The following SAMMSON variants were observed in gnomAD, a reference collection of about 807,000 sequenced individuals.
SAMMSON encodes survival associated mitochondrial melanoma specific oncogenic non-coding RNA, also known as long intergenic non-protein coding RNA 1212.
chr3:70,277,064 C>G (rs1490553645), intron 6 of SAMMSON, among the ~76,000 whole-genome samples: 1 of 151,868 alleles, frequency 6.6e-6, no homozygotes, highest in African/African-American at 2.4e-5. Flanking sequence ...TGAGTGAAAT[C>G]AGAATTATTG....
At chr3:70,194,582 G>A (rs1301847436) in intron 4 of SAMMSON, among the ~76,000 whole-genome samples, 1 of 152,190 alleles carries the variant, frequency 6.6e-6, no homozygotes, top group Non-Finnish European at 1.5e-5. Context: ...TTCTGAAAGT[G>A]AGGAACAAAG....
chr3:70,425,596 G>C (rs1333099350), intron 2 of SAMMSON, among the ~76,000 whole-genome samples: 1 of 150,880 alleles, frequency 6.6e-6, no homozygotes, highest in Non-Finnish European at 1.5e-5. Context: ...CTTTTTTTTA[G>C]TAGAGACGGG....
At chr3:69,999,593 T>C (rs941033407), upstream of SAMMSON, 2 of 152,208 alleles carry the variant, frequency 1.3e-5, no homozygotes, top group Non-Finnish European at 2.9e-5. Flanking sequence ...GGCGGGTCCC[T>C]GGCTCGGCTC....
intron 7 of SAMMSON, among the ~76,000 whole-genome samples, chr3:70,310,189 G>A (rs2106709190): frequency 6.6e-6 from 1 of 152,036 alleles, no homozygotes; most frequent in East Asian, 1.9e-4. Flanking sequence ...GAATTTTCAA[G>A]CTTTTAACAG....
At chr3:70,265,184 C>T (rs181615158) in intron 6 of SAMMSON, among the ~76,000 whole-genome samples, 165 of 152,232 alleles carry the variant, frequency 1.1e-3, no homozygotes, top group African/African-American at 3.9e-3. Flanking sequence ...CAAACCATAT[C>T]AGGGGGAGAA....
At chr3:70,204,648 A>G (rs1218162606) in intron 4 of SAMMSON, 2 of 146,176 alleles carry the variant, frequency 1.4e-5, no homozygotes, top group South Asian at 2.1e-4. Context: ...GTAGTCAGCT[A>G]TTTTCTTTCT....
intron 4 of SAMMSON, among the ~76,000 whole-genome samples, chr3:70,227,661 ACTT>A (rs1437165399): frequency 3.9e-5 from 6 of 152,214 alleles, no homozygotes; most frequent in African/African-American, 1.4e-4. Flanking sequence ...TAATAATACT[ACTT>A]AACAATTTCT....
chr3:70,193,180 C>A (rs886828836), intron 4 of SAMMSON, among the ~76,000 whole-genome samples: 7 of 152,222 alleles, frequency 4.6e-5, no homozygotes, highest in Middle Eastern at 3.4e-3. Context: ...ACAGCTCTGG[C>A]CCCCACCTGC....
chr3:70,254,561 C>T (rs1230842262), intron 6 of SAMMSON, among the ~76,000 whole-genome samples: 1 of 152,068 alleles, frequency 6.6e-6, no homozygotes, highest in East Asian at 1.9e-4. Flanking sequence ...AATCTATTTT[C>T]CCTAATGGTG....
chr3:70,017,162 C>A (rs369559042), intron 3 of SAMMSON, among the ~76,000 whole-genome samples: 2 of 152,048 alleles, frequency 1.3e-5, no homozygotes, highest in Admixed American at 6.6e-5. Context: ...CATTGAATCT[C>A]TAAATTACCT....
chr3:70,323,787 C>G (rs564447091), intron 7 of SAMMSON, among the ~76,000 whole-genome samples: 2 of 152,236 alleles, frequency 1.3e-5, no homozygotes, highest in East Asian at 3.9e-4. Context: ...CACAGTTCAT[C>G]TGCAACTGCC....
intron 4 of SAMMSON, among the ~76,000 whole-genome samples, chr3:70,083,173 A>G (rs1678612276): frequency 6.6e-6 from 1 of 152,184 alleles, no homozygotes; most frequent in African/African-American, 2.4e-5. Flanking sequence ...ACTTTTATTT[A>G]AGAGCTCAGT....
chr3:70,311,789 G>A (rs1702455771), intron 7 of SAMMSON: 3 of 390,068 alleles, frequency 7.7e-6, no homozygotes, highest in East Asian at 3.6e-5. Flanking sequence ...CTATTTGAAC[G>A]GTCAGGACAA....
At chr3:70,036,979 A>C (rs1464219719) in intron 3 of SAMMSON, among the ~76,000 whole-genome samples, 4 of 152,142 alleles carry the variant, frequency 2.6e-5, no homozygotes, top group Non-Finnish European at 5.9e-5. Context: ...TAAATAGCAT[A>C]GGATGATGAT....
chr3:70,029,562 T>C (rs191424885), intron 3 of SAMMSON, among the ~76,000 whole-genome samples: 12 of 152,216 alleles, frequency 7.9e-5, no homozygotes, highest in Admixed American at 6.5e-4. Flanking sequence ...GAGGCCAGCC[T>C]GGCCAACATG....
chr3:70,020,341 C>G (rs996917488), intron 3 of SAMMSON, among the ~76,000 whole-genome samples: 1 of 152,072 alleles, frequency 6.6e-6, no homozygotes, highest in African/African-American at 2.4e-5. Flanking sequence ...TCTTCAGGCA[C>G]CCTAGACGAA....
At chr3:70,034,173 A>C (rs1230936115) in intron 3 of SAMMSON, among the ~76,000 whole-genome samples, 1 of 152,196 alleles carries the variant, frequency 6.6e-6, no homozygotes, top group East Asian at 1.9e-4. Context: ...TTTGAGCATC[A>C]CATAAGACAT....
At chr3:70,302,446 C>A (rs1026533785) in intron 7 of SAMMSON, 8 of 152,028 alleles carry the variant, frequency 5.3e-5, no homozygotes, top group East Asian at 3.9e-4. Context: ...ACATAAGAGA[C>A]TTTTTTTTCC....
At chr3:70,083,841 A>T (rs991908275) in intron 4 of SAMMSON, among the ~76,000 whole-genome samples, 56 of 151,898 alleles carry the variant, frequency 3.7e-4, no homozygotes, top group Non-Finnish European at 7.1e-4. Flanking sequence ...CTGTATATAT[A>T]TTTTTGCATG....
Sources: gnomAD v4.1 joint callset for allele counts (sites outside exome capture counted in the v4.1 genomes callset) on GRCh38, gnomAD v4.1.1 for gene constraint, MANE v1.5 for transcripts, NCBI Gene and HGNC (gene_info 2026-07-23, HGNC 2026-07-21) for gene names.